Variants in RCL1 observed in about 807,000 individuals in gnomAD.
The protein encoded by RCL1 is RNA 3'-terminal phosphate cyclase-like protein.
Under a neutral mutation model 42.4 loss-of-function variants are expected in RCL1, and 24 were observed. The observed-to-expected ratio is 0.57, with a 90% CI of 0.41 to 0.80. The LOEUF is 0.80. Ranked by LOEUF, RCL1 falls within the 30% of genes least tolerant of loss-of-function variation. The pLI is 0.00. For synonymous variants in RCL1, 228 were observed against 177.3 expected (o/e 1.29, Z -2.27); for missense variants, 578 against 467.9 (o/e 1.24, Z -2.17).
intron 8 of RCL1, among the ~76,000 whole-genome samples, chr9:4,855,064 A>AC (rs1272521564): frequency 1.4e-5 from 2 of 147,804 alleles, no homozygotes; most frequent in Non-Finnish European, 3.0e-5. Context: ...AAAAAAAAAA[A>AC]AAAAAAAAAT....
chr9:4,855,719 G>A (rs1188654294), intron 8 of RCL1, among the ~76,000 whole-genome samples: 2 of 152,116 alleles, frequency 1.3e-5, no homozygotes, highest in Non-Finnish European at 2.9e-5. Context: ...TAGAGGTGGG[G>A]GAAAGATTCT....
chr9:4,858,057 A>T (rs1818023664), intron 8 of RCL1, among the ~76,000 whole-genome samples: 2 of 151,232 alleles, frequency 1.3e-5, no homozygotes, highest in South Asian at 4.2e-4. Flanking sequence ...TTTTAAAACA[A>T]TTTTTTTGTA....
chr9:4,808,278 A>C (rs182545191), intron 1 of RCL1, among the ~76,000 whole-genome samples: 1 of 151,960 alleles, frequency 6.6e-6, no homozygotes, highest in African/African-American at 2.4e-5. Flanking sequence ...TTATTATATA[A>C]TGTATCACTC....
At chr9:4,802,074 A>ATTT (rs34756856) in intron 1 of RCL1, among the ~76,000 whole-genome samples, 6 of 95,448 alleles carry the variant, frequency 6.3e-5, no homozygotes, top group East Asian at 2.9e-4. Context: ...ACGCCTGGCT[A>ATTT]TTTTTTTTTT....
chr9:4,839,562 A>G (rs1817245239), intron 5 of RCL1: 1 of 669,656 alleles, frequency 1.5e-6, no homozygotes, highest in Non-Finnish European at 1.8e-6. Context: ...TGCTTGGTCC[A>G]AAGGGTATGA....
intron 4 of RCL1, among the ~76,000 whole-genome samples, 169 bp downstream of exon 4, chr9:4,833,397 G>T (rs1371886918): frequency 6.6e-6 from 1 of 152,176 alleles, no homozygotes; most frequent in African/African-American, 2.4e-5. Flanking sequence ...AACTGAAAGG[G>T]ACCCTTTAGT....
chr9:4,846,128 T>C (rs1817503071), intron 7 of RCL1, among the ~76,000 whole-genome samples: 1 of 152,230 alleles, frequency 6.6e-6, no homozygotes, highest in Admixed American at 6.5e-5. Flanking sequence ...ATATTTATAG[T>C]CTACTCCCTT....
At position 4,860,244 on chromosome 9, in the gene RCL1, G is replaced by A; in HGVS notation, c.1091G>A (p.Gly364Asp). 2.5e-6 allele frequency: 4 copies of A among 1,613,612 alleles called. No homozygotes were observed. The South Asian group carries it at 4.4e-5, about 18-fold the overall frequency. The change falls in exon 9 of 9, where the codon GGT becomes GAT. Residue 364 changes from glycine to aspartate, a missense_variant. By Grantham distance (94) the Gly-to-Asp change is moderately conservative. Transcript: ENST00000381750. ...DKVLMTCVGI[G>D]FSNLSKTLK is the part of the protein sequence containing the mutation. ...GTGCTGATGACCTGTGTTGGCATTGGTTTCTCCAACCTTAGCAAGACCCTC... is the reference window on the plus strand; with the variant it reads ...GTGCTGATGACCTGTGTTGGCATTGATTTCTCCAACCTTAGCAAGACCCTC...
At chr9:4,837,472 A>T (rs1352559910) in intron 5 of RCL1, among the ~76,000 whole-genome samples, 1 of 151,602 alleles carries the variant, frequency 6.6e-6, no homozygotes, top group Non-Finnish European at 1.5e-5. Flanking sequence ...CTTATTTGAG[A>T]TGTGTTTCCT....
chr9:4,804,460 C>G (rs745863729), intron 1 of RCL1: 1 of 152,430 alleles, frequency 6.6e-6, no homozygotes, highest in Non-Finnish European at 1.5e-5. Context: ...CTCCTTGACG[C>G]TGTCCACATG....
intron 1 of RCL1, among the ~76,000 whole-genome samples, chr9:4,815,181 C>G (rs777805346): frequency 1.3e-5 from 2 of 152,274 alleles, no homozygotes; most frequent in Middle Eastern, 6.8e-3. Context: ...GAGCTTTTCA[C>G]CTATTTCATT....
chr9:4,852,640 C>A (rs1260028), intron 8 of RCL1, among the ~76,000 whole-genome samples: 2,768 of 152,244 alleles, frequency 0.018, 84 homozygotes, highest in African/African-American at 0.063. Context: ...GGAGATGGAA[C>A]GAAGCTTAGA....
At chr9:4,803,534 A>T (rs1180205393) in intron 1 of RCL1, among the ~76,000 whole-genome samples, 2 of 152,158 alleles carry the variant, frequency 1.3e-5, no homozygotes, top group African/African-American at 4.8e-5. Context: ...GTCCAGGAAT[A>T]TTCAAGTTGG....
At chr9:4,824,751 A>T (rs1173269876) in intron 2 of RCL1, among the ~76,000 whole-genome samples, 1 of 152,228 alleles carries the variant, frequency 6.6e-6, no homozygotes, top group Non-Finnish European at 1.5e-5. Context: ...CTATAGCTGC[A>T]TTCAGCCATA....
chr9:4,849,359 G>A (rs2129705279), intron 7 of RCL1, 88 bp from the exon 8 acceptor site: 1 of 890,812 alleles, frequency 1.1e-6, no homozygotes, highest in East Asian at 2.5e-5. Context: ...TTGATATTAT[G>A]AGTGTATGTT....
chr9:4,827,143 T>C (rs748417535), intron 3 of RCL1, 110 bp downstream of exon 3: 88 of 1,560,570 alleles, frequency 5.6e-5, no homozygotes, highest in Admixed American at 2.5e-4. Flanking sequence ...AAATGTATAT[T>C]GCTTTTGTTA....
chr9:4,805,989 GATT>G (rs1440565572), intron 1 of RCL1, among the ~76,000 whole-genome samples: 1 of 149,452 alleles, frequency 6.7e-6, no homozygotes, highest in East Asian at 2.0e-4. Flanking sequence ...TTTCTGTGTT[GATT>G]ATTAGTATAT....
At chr9:4,819,222 C>T (rs1816499683) in intron 1 of RCL1, among the ~76,000 whole-genome samples, 1 of 152,202 alleles carries the variant, frequency 6.6e-6, no homozygotes, top group African/African-American at 2.4e-5. Context: ...GATCGTCAGG[C>T]ATTAGAGTCT....
chr9:4,814,000 G>A (rs1377974870), intron 1 of RCL1, among the ~76,000 whole-genome samples: 2 of 152,088 alleles, frequency 1.3e-5, no homozygotes, highest in Non-Finnish European at 2.9e-5. Context: ...AGAACACTTG[G>A]ACACAGAGTG....
Sources: allele counts gnomAD v4.1 joint callset (sites outside exome capture counted in the v4.1 genomes callset), GRCh38; gene constraint gnomAD v4.1.1; transcripts MANE v1.5; gene names NCBI Gene and HGNC (gene_info 2026-07-23, HGNC 2026-07-21).